Variants in PDE1A observed in about 807,000 individuals in gnomAD.
PDE1A encodes phosphodiesterase 1A.
PDE1A carries 35 observed loss-of-function variants against 61.7 expected under a neutral mutation model. That is an observed-to-expected ratio of 0.57 (90% CI 0.43 to 0.75). The LOEUF (loss-of-function observed/expected upper bound fraction) is 0.75. Ranked by LOEUF, PDE1A falls within the 30% of genes least tolerant of loss-of-function variation. The probability of loss-of-function intolerance (pLI) is 0.00; values close to 1 mark genes in which losing one functional copy is unlikely to be tolerated. For synonymous variants in PDE1A, 232 were observed against 213.2 expected, an observed-to-expected ratio of 1.09 and a Z score of -0.77; for missense variants, 597 against 630.6, an observed-to-expected ratio of 0.95 and a Z score of 0.57.
chr2:182,667,057 C>G, the PDE1A span, among the ~76,000 whole-genome samples: 4 of 152,146 alleles, frequency 2.6e-5, no homozygotes, highest in Non-Finnish European at 1.5e-5. Flanking sequence ...CCCCTTGAAT[C>G]AGGGGGTTCT....
intron 1 of PDE1A, among the ~76,000 whole-genome samples, chr2:182,290,530 C>G (rs1320705502): frequency 1.3e-5 from 2 of 151,856 alleles, no homozygotes; most frequent in East Asian, 3.9e-4. Flanking sequence ...AGTCTCTGCC[C>G]TATATACAAA....
At chr2:182,664,097 G>A in the PDE1A span, among the ~76,000 whole-genome samples, 1 of 151,998 alleles carries the variant, frequency 6.6e-6, no homozygotes, top group Non-Finnish European at 1.5e-5. Context: ...TAGTAATGAA[G>A]GAAACACTAA....
At chr2:182,577,720 G>A in the PDE1A span, among the ~76,000 whole-genome samples, 2 of 152,122 alleles carry the variant, frequency 1.3e-5, no homozygotes, top group South Asian at 4.1e-4. Context: ...CAATAGGTAA[G>A]AGCAGCCTGG....
At chr2:182,514,164 T>C (rs1689992501) in intron 2 of PDE1A, among the ~76,000 whole-genome samples, 1 of 152,116 alleles carries the variant, frequency 6.6e-6, no homozygotes, top group South Asian at 2.1e-4. Context: ...AAAACACTGC[T>C]TAAAGAAATC....
chr2:182,333,479 T>C (rs1697564041), intron 1 of PDE1A, among the ~76,000 whole-genome samples: 1 of 152,186 alleles, frequency 6.6e-6, no homozygotes, highest in South Asian at 2.1e-4. Flanking sequence ...CCTGAATGAC[T>C]ATTGGGTAAA....
chr2:182,486,429 G>A (rs563388024), intron 2 of PDE1A, among the ~76,000 whole-genome samples: 4 of 152,062 alleles, frequency 2.6e-5, no homozygotes, highest in African/African-American at 9.6e-5. Flanking sequence ...GGCTTTTTTT[G>A]TAGAAGTTGG....
chr2:182,347,936 CG>C (rs1331736260), intron 1 of PDE1A, among the ~76,000 whole-genome samples: 8 of 152,010 alleles, frequency 5.3e-5, no homozygotes, highest in African/African-American at 1.9e-4. Flanking sequence ...GGTAGTACAG[CG>C]TTTTCTTTGA....
At chr2:182,219,682 C>T (rs1366398797) in intron 7 of PDE1A, among the ~76,000 whole-genome samples, 1 of 152,078 alleles carries the variant, frequency 6.6e-6, no homozygotes, top group Non-Finnish European at 1.5e-5. Flanking sequence ...CTGTTTCAGG[C>T]TTTTCAGTGG....
At chr2:182,310,281 G>A (rs908064632) in intron 1 of PDE1A, among the ~76,000 whole-genome samples, 1 of 152,064 alleles carries the variant, frequency 6.6e-6, no homozygotes, top group Non-Finnish European at 1.5e-5. Flanking sequence ...TTCCTTTATA[G>A]TTAATAACTT....
At chr2:182,430,199 C>T (rs1193745221), upstream of PDE1A, among the ~76,000 whole-genome samples, 1 of 149,636 alleles carries the variant, frequency 6.7e-6, no homozygotes, top group African/African-American at 2.5e-5. Context: ...ATTTTCGCAA[C>T]CTACTCATCT....
chr2:182,449,055 C>T (rs560579331), intron 2 of PDE1A, among the ~76,000 whole-genome samples: 1 of 105,068 alleles, frequency 9.5e-6, no homozygotes, highest in African/African-American at 2.8e-5. Context: ...CACATACACA[C>T]ACACACACAC....
At chr2:182,154,394 A>G (rs143963933) in intron 13 of PDE1A, among the ~76,000 whole-genome samples, 31 of 152,308 alleles carry the variant, frequency 2.0e-4, no homozygotes, top group Non-Finnish European at 3.5e-4. Context: ...TCAAATAAAC[A>G]TGTATCATTC....
intron 1 of PDE1A, among the ~76,000 whole-genome samples, chr2:182,403,681 G>C (rs1030636750): frequency 6.6e-6 from 1 of 151,568 alleles, no homozygotes; most frequent in African/African-American, 2.4e-5. Flanking sequence ...CATGTCCTTT[G>C]CAGGGACATG....
the PDE1A span, among the ~76,000 whole-genome samples, chr2:182,564,437 T>C: frequency 6.6e-6 from 1 of 152,240 alleles, no homozygotes; most frequent in African/African-American, 2.4e-5. Flanking sequence ...GTTAGTCTGA[T>C]GGGCTTCCCT....
At chr2:182,231,064 A>C (rs760770808) in exon 5 of PDE1A, 1 of 1,609,516 alleles carries the variant, frequency 6.2e-7, no homozygotes, top group Non-Finnish European at 8.5e-7. Flanking sequence ...ATAAATCATA[A>C]ACTTCAGACT....
chr2:182,392,881 T>G (rs1032617828), intron 1 of PDE1A, among the ~76,000 whole-genome samples: 1 of 152,280 alleles, frequency 6.6e-6, no homozygotes, highest in African/African-American at 2.4e-5. Context: ...TCTCTGCCCC[T>G]GTGGCTTTGC....
chr2:182,254,595 G>C (rs1004172065), intron 2 of PDE1A, among the ~76,000 whole-genome samples: 13 of 152,090 alleles, frequency 8.5e-5, no homozygotes, highest in African/African-American at 3.1e-4. Flanking sequence ...TTGGAACCAT[G>C]GATAAAATCA....
At chr2:182,604,630 C>A in the PDE1A span, among the ~76,000 whole-genome samples, 1 of 152,114 alleles carries the variant, frequency 6.6e-6, no homozygotes, top group Non-Finnish European at 1.5e-5. Flanking sequence ...ATAGTCTATA[C>A]GTATTTTATT....
At chr2:182,546,011 T>C in the PDE1A span, among the ~76,000 whole-genome samples, 7 of 152,336 alleles carry the variant, frequency 4.6e-5, 1 homozygote, top group South Asian at 6.2e-4. Flanking sequence ...ATAGAGTTAG[T>C]GGAGAATAAC....
Sources: allele counts gnomAD v4.1 joint callset (sites outside exome capture counted in the v4.1 genomes callset), GRCh38; gene constraint gnomAD v4.1.1; transcripts MANE v1.5; gene names NCBI Gene and HGNC (gene_info 2026-07-23, HGNC 2026-07-21).